RAMP1: variants seen among roughly 807,000 people sequenced by gnomAD.
RAMP1 encodes receptor activity-modifying protein 1.
A neutral mutation model predicts 8.2 loss-of-function variants in RAMP1; 7 were observed. The observed-to-expected ratio is 0.85, with a 90% CI of 0.49 to 1.60. The LOEUF (loss-of-function observed/expected upper bound fraction) is 1.60, where lower values mean the gene tolerates loss of function less well. RAMP1 is among the 40% of genes most tolerant of loss of function. The probability of loss-of-function intolerance (pLI) is 0.00; values close to 1 mark genes in which losing one functional copy is unlikely to be tolerated. For missense variants in RAMP1, 192 were observed against 202.4 expected (o/e 0.95, Z 0.31); for synonymous variants, 92 against 84.7 (o/e 1.09, Z -0.47).
At chr2:237,911,360 C>T (rs1370591677) in intron 2 of RAMP1, among the ~76,000 whole-genome samples, 168 bp from the exon 3 acceptor site, 1 of 152,254 alleles carries the variant, frequency 6.6e-6, no homozygotes, top group Non-Finnish European at 1.5e-5. Flanking sequence ...CCCTTGGAGC[C>T]ATCGGGCCCC....
At chr2:237,906,524 T>C (rs1171621736) in intron 2 of RAMP1, among the ~76,000 whole-genome samples, 1 of 152,154 alleles carries the variant, frequency 6.6e-6, no homozygotes, top group East Asian at 1.9e-4. Context: ...ACTCACTTTC[T>C]AGATTAAATA....
chr2:237,881,398 C>T lies in RAMP1; in HGVS notation c.191+4036C>T, dbSNP rs975231217. 5.3e-5 allele frequency among the ~76,000 whole-genome samples: 8 copies of T among 152,230 alleles called. No homozygotes were observed. The East Asian group carries it at 7.7e-4, about 15-fold the overall frequency. Reference sequence around the variant, plus strand: ...ATCGACGTGGATGGCCTCACGCATCCGTGTTTTCCCAGCACTGGAGCTGAC... The same window carrying T: ...ATCGACGTGGATGGCCTCACGCATCTGTGTTTTCCCAGCACTGGAGCTGAC... On this transcript the variant is annotated intron_variant, in intron 2 of 2. Transcript: ENST00000254661.
intron 1 of RAMP1, among the ~76,000 whole-genome samples, chr2:237,871,395 G>T (rs555895208): frequency 6.6e-6 from 1 of 152,306 alleles, no homozygotes; most frequent in South Asian, 2.1e-4. Flanking sequence ...CCAGGCCATG[G>T]TTGACACCTC....
chr2:237,865,146 G>A lies in RAMP1; in HGVS notation c.52+5419G>A, dbSNP rs1456223020. On this transcript the variant is annotated intron_variant, in intron 1 of 2. Coordinates refer to ENST00000254661, the MANE Select transcript of RAMP1 (RefSeq NM_005855.4). This position sits in a 1 kb window ranked among gnomAD's most constrained non-coding sequence, Gnocchi z 4.2. ...GAGGGTTCCAGGGAGTCCTGGAGGC[G>A]AAAGTGATGGACTCCAGTCCCTGGG... is the stretch of plus-strand genomic sequence containing the variant. 3.3e-5 allele frequency among the ~76,000 whole-genome samples: 5 copies of A among 151,998 alleles called. No homozygotes were observed. Among genetic ancestry groups the A allele is most frequent in the South Asian group, 2.1e-4 (1 of 4,816 alleles).
chr2:237,874,643 A>G, intron 1 of RAMP1: 1 of 984,610 alleles, frequency 1.0e-6, no homozygotes. Context: ...TTTCCACTCC[A>G]GGCAGGATAG....
Position 237,899,483 on chromosome 2 carries a change from C to T in RAMP1, c.192-12045C>T, listed in dbSNP as rs577840121. On this transcript the variant is annotated intron_variant, in intron 2 of 2. Transcript: ENST00000254661. ...AGTTTTCTCAAATGCCTTCTCAATG[C>T]GTATTAAAATGACGGTACATTTTTT... Among the ~76,000 whole-genome samples, 6 of 152,284 alleles carry T rather than the reference C, an allele frequency of 3.9e-5. No individual in the cohort carries two copies. The South Asian group carries it at 8.3e-4, about 21-fold the overall frequency.
rs1553740387 is a variant in RAMP1, at chr2:237,908,410, CTGG to C, written c.192-3091_192-3089del. Among the ~76,000 whole-genome samples, 49 of 149,118 alleles carry C rather than the reference CTGG, an allele frequency of 3.3e-4. No individual in the cohort carries two copies. In the South Asian group the frequency reaches 6.9e-3, roughly 21 times the overall value. ...TCCCTTCCCCAGTGAGAAGAGACCTCTGGTGGTGGTGGTGGTGGTGGTGGTGGT... is the reference window on the plus strand; with the variant it reads ...TCCCTTCCCCAGTGAGAAGAGACCTCTGGTGGTGGTGGTGGTGGTGGTGGT... On this transcript the variant is annotated intron_variant, in intron 2 of 2. Coordinates refer to ENST00000254661, the MANE Select transcript of RAMP1 (RefSeq NM_005855.4).
chr2:237,879,627 G>T (rs1292575007), intron 2 of RAMP1, among the ~76,000 whole-genome samples: 1 of 128,976 alleles, frequency 7.8e-6, no homozygotes, highest in East Asian at 2.4e-4. Context: ...CACCAATATG[G>T]CACATGTATA....
chr2:237,863,075 G>A (rs1430945822), intron 1 of RAMP1, among the ~76,000 whole-genome samples: 1 of 152,212 alleles, frequency 6.6e-6, no homozygotes, highest in Non-Finnish European at 1.5e-5. Flanking sequence ...GGGGCTCCGA[G>A]AATGGCGTAC....
chr2:237,909,143 G>A (rs2062682906), intron 2 of RAMP1, among the ~76,000 whole-genome samples: 1 of 152,132 alleles, frequency 6.6e-6, no homozygotes, highest in African/African-American at 2.4e-5. Context: ...CCCCCAGTGA[G>A]TGCAACTTGG....
rs907214913 is a variant in RAMP1, at chr2:237,862,028, A to G, written c.52+2301A>G. ...TAGAAGCCCCTGGTTTTTCGAGTCC[A>G]TCTTCACTCAGGGAATGCTGGCTGG... On this transcript the variant is annotated intron_variant, in intron 1 of 2. Coordinates refer to ENST00000254661, the MANE Select transcript of RAMP1 (RefSeq NM_005855.4). This position sits in a 1 kb window ranked among gnomAD's most constrained non-coding sequence, Gnocchi z 4.0. Among the ~76,000 whole-genome samples the G allele has an allele frequency of 6.6e-6, 1 of 152,132 alleles. No individual in the cohort carries two copies. Among genetic ancestry groups the G allele is most frequent in the Non-Finnish European group, 1.5e-5 (1 of 68,012 alleles).
In RAMP1 at chr2:237,877,395, G is replaced by A. The variant is rs542472424; in HGVS notation, c.191+33G>A. 24 of 1,592,576 alleles carry A rather than the reference G, an allele frequency of 1.5e-5. No individual in the cohort carries two copies. The highest frequency in any genetic ancestry group is 9.4e-5 in the African/African-American group (7 of 74,748). ...CCATGGCCCCTGGTGGGCAGGACAC[G>A]GTTGGGGAGGGAGAGGGGGCAAGCG... is the stretch of plus-strand genomic sequence containing the variant. On this transcript the variant is annotated intron_variant, in intron 2 of 2. Transcript: ENST00000254661. This position sits in a 1 kb window ranked among gnomAD's most constrained non-coding sequence, Gnocchi z 4.4.
intron 1 of RAMP1, chr2:237,860,068 A>T: frequency 5.1e-6 from 1 of 196,284 alleles, no homozygotes; most frequent in African/African-American, 2.3e-5. Context: ...GGGGTTCCCC[A>T]GCCCCGCACC....
chr2:237,908,802 A>G (rs886857682), intron 2 of RAMP1, among the ~76,000 whole-genome samples: 4 of 152,122 alleles, frequency 2.6e-5, no homozygotes, highest in African/African-American at 9.7e-5. Context: ...CTTCCAAGGA[A>G]AAAGAGTTCC....
intron 2 of RAMP1, among the ~76,000 whole-genome samples, chr2:237,909,604 T>C (rs1423495297): frequency 5.3e-5 from 8 of 152,166 alleles, no homozygotes; most frequent in Non-Finnish European, 1.2e-4. Context: ...CGGCGTGGTC[T>C]GGGCTCTACC....
chr2:237,897,565 T>C (rs1473960020), intron 2 of RAMP1, among the ~76,000 whole-genome samples: 1 of 152,220 alleles, frequency 6.6e-6, no homozygotes, highest in African/African-American at 2.4e-5. Flanking sequence ...TTGTCCTCCT[T>C]GTTCAGCAAG....
chr2:237,875,355 G>T (rs1289963030), intron 1 of RAMP1, among the ~76,000 whole-genome samples: 3 of 152,160 alleles, frequency 2.0e-5, no homozygotes, highest in Non-Finnish European at 2.9e-5. Flanking sequence ...ATGGACTCAG[G>T]TGGGTACAGA....
Position 237,911,824 on chromosome 2 carries a change from G to C in RAMP1, c.*41G>C. On this transcript the variant is annotated 3_prime_UTR_variant, in exon 3 of 3. Transcript: ENST00000254661. ...CCCGCGGGTGCACCCAGGCTGCAGG[G>C]TGAGGCCAGGCAGGCCTGGGTAGGG... is the stretch of plus-strand genomic sequence containing the variant. The C allele has an allele frequency of 1.3e-6, 2 of 1,552,186 alleles. No individual in the cohort carries two copies. The highest frequency in any genetic ancestry group is 1.7e-6 in the Non-Finnish European group (2 of 1,145,944).
intron 2 of RAMP1, among the ~76,000 whole-genome samples, chr2:237,910,189 CACAG>C (rs1205407779): frequency 6.6e-6 from 1 of 152,066 alleles, no homozygotes. Context: ...GGTTCACACA[CACAG>C]AATAACACAG....
Sources: allele counts gnomAD v4.1 joint callset (sites outside exome capture counted in the v4.1 genomes callset), GRCh38; gene constraint gnomAD v4.1.1; non-coding constraint Gnocchi (gnomAD v3.1); transcripts MANE v1.5; gene names NCBI Gene and HGNC (gene_info 2026-07-23, HGNC 2026-07-21).